Variants in MRPL15 observed in about 807,000 individuals in gnomAD.
MRPL15 encodes large ribosomal subunit protein uL15m.
A neutral mutation model predicts 28.0 loss-of-function variants in MRPL15; 24 were observed. That is an observed-to-expected ratio of 0.86 (90% CI 0.62 to 1.21). The LOEUF (loss-of-function observed/expected upper bound fraction) is 1.21. MRPL15 is among the 50% of genes most tolerant of loss of function. The pLI is 0.00. For synonymous variants in MRPL15, 124 were observed against 137.0 expected, an observed-to-expected ratio of 0.90 and a Z score of 0.66; for missense variants, 343 against 372.4, an observed-to-expected ratio of 0.92 and a Z score of 0.65.
chr8:54,137,491 T>G (rs1810846691), intron 3 of MRPL15, 58 bp downstream of exon 3: 9 of 1,526,870 alleles, frequency 5.9e-6, no homozygotes, highest in Non-Finnish European at 6.3e-6. Context: ...TTAGACAGAG[T>G]CTTGCCCTGT....
intron 1 of MRPL15, among the ~76,000 whole-genome samples, chr8:54,135,732 C>T (rs552850415): frequency 6.6e-6 from 1 of 151,956 alleles, no homozygotes; most frequent in African/African-American, 2.4e-5. Context: ...ACCGTGTTGG[C>T]CAGGCTGGTT....
chr8:54,142,769 A>G lies in MRPL15; in HGVS notation c.536A>G (p.Tyr179Cys). ...KNGGVVTTAF[Y>C]DPRSLDIVCK... Reference sequence around the variant, plus strand: ...GGTGGTGTTGTTACTACAGCCTTCTATGATCCAAGAAGTCTGGGTAAGTTT... The same window carrying G: ...GGTGGTGTTGTTACTACAGCCTTCTGTGATCCAAGAAGTCTGGGTAAGTTT... Residue 179 changes from tyrosine to cysteine, a missense_variant, in exon 4 of 5, where the codon TAT (tyrosine) becomes TGT (cysteine). Transcript: ENST00000260102. The G allele has an allele frequency of 2.5e-6, 4 of 1,614,140 alleles. No individual in the cohort carries two copies. Among genetic ancestry groups the G allele is most frequent in the Non-Finnish European group, 3.4e-6 (4 of 1,180,014 alleles).
intron 3 of MRPL15, among the ~76,000 whole-genome samples, chr8:54,140,927 G>GT (rs549991925): frequency 0.073 from 10,562 of 145,016 alleles, 501 homozygotes; most frequent in Non-Finnish European, 0.11. Context: ...AAAATTGGAG[G>GT]TTTTTTTTTT....
At position 54,137,354 on chromosome 8, in the gene MRPL15, A is replaced by G; in HGVS notation, c.350A>G (p.Asp117Gly). 1.2e-6 allele frequency: 2 copies of G among 1,614,066 alleles called. No individual in the cohort carries two copies. Among genetic ancestry groups the G allele is most frequent in the Non-Finnish European group, 1.7e-6 (2 of 1,180,010 alleles). ...LGRVDPSQPIDLTQLVNGRGV... is the reference protein window; with the variant it reads ...LGRVDPSQPIGLTQLVNGRGV... ...CGTGTTGATCCTAGTCAACCTATTG[A>G]CTTAACCCAGCTTGTCAATGGGAGA... The change falls in exon 3 of 5, where the codon GAC becomes GGC. Residue 117 changes from aspartate to glycine, a missense_variant. Physicochemically the swap from Asp to Gly is moderately conservative, Grantham distance 94. Coordinates refer to ENST00000260102, the MANE Select transcript of MRPL15 (RefSeq NM_014175.4).
In MRPL15 at chr8:54,135,379, C is replaced by A. The variant is rs369347994; in HGVS notation, c.96C>A (p.Gly32=). The A allele has an allele frequency of 9.2e-5, 140 of 1,528,914 alleles. No homozygotes were observed. Among genetic ancestry groups the A allele is most frequent in the Non-Finnish European group, 1.2e-4 (132 of 1,135,562 alleles). The allele number at this position is 1,528,914 out of a possible 1,614,324, so 94.7% of individuals were successfully genotyped here. A position where few individuals can be genotyped will look rare whatever the true frequency, so the allele number is the denominator to read the frequency against. The part of the protein sequence containing the change: ...VSLANLKPNP[G]SKKPERRPRG... Reference sequence around the variant, plus strand: ...TGGCCAACTTAAAGCCGAATCCCGGCTCCAAGAAACCGGTAAATGGGTGGT... The same window carrying A: ...TGGCCAACTTAAAGCCGAATCCCGGATCCAAGAAACCGGTAAATGGGTGGT... The change falls in exon 1 of 5, where the codon GGC becomes GGA. Residue 32 remains glycine, a synonymous_variant. Transcript: ENST00000260102.
intron 4 of MRPL15, among the ~76,000 whole-genome samples, chr8:54,143,734 G>T (rs1454094068): frequency 2.0e-5 from 3 of 152,202 alleles, no homozygotes; most frequent in Non-Finnish European, 4.4e-5. Context: ...GCTGTGATCT[G>T]CACCAGCTCT....
intron 3 of MRPL15, 90 bp from the exon 4 acceptor site, chr8:54,142,573 G>T: frequency 6.8e-7 from 1 of 1,477,174 alleles, no homozygotes. Context: ...GCACTTTGGA[G>T]GGAAAAACAC....
chr8:54,146,191 A>T (rs979071517), intron 4 of MRPL15, among the ~76,000 whole-genome samples: 3 of 152,250 alleles, frequency 2.0e-5, no homozygotes, highest in African/African-American at 4.8e-5. Context: ...TCACGCCTGT[A>T]ATCCCAGCAC....
intron 3 of MRPL15, among the ~76,000 whole-genome samples, chr8:54,138,301 CTTT>C (rs71254537): frequency 1.9e-4 from 11 of 56,986 alleles, no homozygotes; most frequent in Admixed American, 2.7e-4. Context: ...TCAGGAAGAT[CTTT>C]TTTTTTTTTT....
In MRPL15 at chr8:54,135,356, G is replaced by A. The variant is rs147114545; in HGVS notation, c.73G>A (p.Ala25Thr). 30 of 1,520,726 alleles carry A rather than the reference G, an allele frequency of 2.0e-5. No individual in the cohort carries two copies. In the African/African-American group the frequency reaches 3.4e-4, roughly 17 times the overall value. 94.2% of individuals were successfully genotyped at this position (1,520,726 alleles called of 1,614,324 possible). The part of the protein sequence containing the change: ...LLRGLPRVSL[A>T]NLKPNPGSKK... ...CCGGGGCCTGCCGCGTGTGAGCCTG[G>A]CCAACTTAAAGCCGAATCCCGGCTC... Residue 25 changes from alanine (A) to threonine (T), a missense_variant, in exon 1 of 5, where the codon GCC becomes ACC. Ala to Thr is a moderately conservative substitution (Grantham distance 58, BLOSUM62 0). Transcript: ENST00000260102.
At chr8:54,146,529 A>G (rs1199368185) in intron 4 of MRPL15, among the ~76,000 whole-genome samples, 1 of 152,120 alleles carries the variant, frequency 6.6e-6, no homozygotes, top group East Asian at 1.9e-4. Context: ...ATTGTATACC[A>G]AATACTATAC....
chr8:54,141,371 A>G (rs867576934), intron 3 of MRPL15, among the ~76,000 whole-genome samples: 3 of 152,134 alleles, frequency 2.0e-5, no homozygotes, highest in Non-Finnish European at 2.9e-5. Context: ...ATTTCCATCT[A>G]TGAAGTCGGG....
intron 4 of MRPL15, among the ~76,000 whole-genome samples, 199 bp downstream of exon 4, chr8:54,142,985 C>G (rs989875892): frequency 7.2e-5 from 11 of 152,130 alleles, no homozygotes; most frequent in Non-Finnish European, 1.5e-4. Context: ...GGCTCTCAGC[C>G]CCTCCCCTGA....
chr8:54,144,222 T>C (rs1431378957), intron 4 of MRPL15, among the ~76,000 whole-genome samples: 3 of 152,212 alleles, frequency 2.0e-5, no homozygotes, highest in African/African-American at 4.8e-5. Flanking sequence ...GTTGAATAAA[T>C]TAATTGGATT....
intron 1 of MRPL15, 140 bp from the exon 2 acceptor site, chr8:54,136,371 A>C: frequency 1.2e-6 from 1 of 859,272 alleles, no homozygotes; most frequent in Non-Finnish European, 1.8e-6. Context: ...AGCTTTGAGC[A>C]ACTAGGACAT....
At position 54,137,448 on chromosome 8, in the gene MRPL15, G is replaced by C. The variant is rs1186276480; in HGVS notation, c.429+15G>C. The C allele has an allele frequency of 5.6e-6, 9 of 1,611,474 alleles. No homozygotes were observed. Among genetic ancestry groups the C allele is most frequent in the Non-Finnish European group, 7.6e-6 (9 of 1,179,194 alleles). On this transcript the variant is annotated intron_variant, in intron 3 of 4. Transcript: ENST00000260102. ...TGGTTGAGGAGGTAAGTCTTGATTA[G>C]ATCTTTTGGTGTTATATAGGAGGAT...
In MRPL15 at chr8:54,136,491, A is replaced by G. The variant is rs754208881; in HGVS notation, c.109-20A>G. On this transcript the variant is annotated intron_variant, in intron 1 of 4. Coordinates refer to ENST00000260102, the MANE Select transcript of MRPL15 (RefSeq NM_014175.4). ...TAGAAATGCATCTGAAATTCATAAA[A>G]TTCTTTTTTTTCCTTGCAGGAGAGA... The G allele has an allele frequency of 4.4e-6, 7 of 1,585,600 alleles. No individual in the cohort carries two copies. Among genetic ancestry groups the G allele is most frequent in the African/African-American group, 1.4e-5 (1 of 73,176 alleles).
At chr8:54,138,803 G>A (rs980873289) in intron 3 of MRPL15, among the ~76,000 whole-genome samples, 1 of 151,988 alleles carries the variant, frequency 6.6e-6, no homozygotes, top group Non-Finnish European at 1.5e-5. Flanking sequence ...TTGAGGGCAG[G>A]TGCTTTGATT....
intron 4 of MRPL15, among the ~76,000 whole-genome samples, chr8:54,146,176 T>C (rs995991822): frequency 1.2e-4 from 18 of 152,350 alleles, no homozygotes; most frequent in African/African-American, 3.8e-4. Context: ...CCGGGCGCAG[T>C]GGCCTCACGC....
Sources: gnomAD v4.1 joint callset for allele counts (sites outside exome capture counted in the v4.1 genomes callset) on GRCh38, gnomAD v4.1.1 for gene constraint, MANE v1.5 for transcripts, NCBI Gene and HGNC (gene_info 2026-07-23, HGNC 2026-07-21) for gene names.